The following TJP3 variants were observed in gnomAD, a reference collection of about 807,000 sequenced individuals.
TJP3 encodes the protein tight junction protein ZO-3.
A neutral mutation model predicts 104.2 loss-of-function variants in TJP3; 85 were observed. That is an observed-to-expected ratio of 0.82 (90% CI 0.68 to 0.98). TJP3 has a LOEUF of 0.98. TJP3 is among the 50% of genes least tolerant of loss of function. TJP3 has a pLI of 0.00. For synonymous variants in TJP3, 550 were observed against 550.6 expected (o/e 1.00, Z 0.02); for missense variants, 1,367 against 1,322.8 (o/e 1.03, Z -0.52).
At chr19:3,748,139 G>C (rs943946246) in intron 19 of TJP3, 58 bp downstream of exon 19, 8 of 1,471,202 alleles carry the variant, frequency 5.4e-6, no homozygotes, top group Non-Finnish European at 7.2e-6. Context: ...TGCCAGCACA[G>C]AGCAGACACA....
intron 1 of TJP3, among the ~76,000 whole-genome samples, chr19:3,722,850 G>T (rs1296873750): frequency 1.6e-5 from 2 of 123,838 alleles, no homozygotes; most frequent in Non-Finnish European, 3.4e-5. Context: ...CCTGGAGATG[G>T]GGTGGCGGGG....
chr19:3,722,720 G>A (rs999090862), intron 1 of TJP3, among the ~76,000 whole-genome samples: 1 of 152,086 alleles, frequency 6.6e-6, no homozygotes, highest in Non-Finnish European at 1.5e-5. Context: ...TCCGCCCCAA[G>A]CTTCAGGACC....
At chr19:3,749,682 G>C in intron 19 of TJP3, 1 of 168,396 alleles carries the variant, frequency 5.9e-6, no homozygotes, top group Admixed American at 6.1e-5. Flanking sequence ...TGTGTATGTA[G>C]CTCTTAGTGT....
intron 1 of TJP3, among the ~76,000 whole-genome samples, chr19:3,718,257 CTGTG>C (rs2036508218): frequency 3.6e-5 from 1 of 27,472 alleles, no homozygotes; most frequent in Non-Finnish European, 6.4e-5. Flanking sequence ...GTGTGTGTGT[CTGTG>C]TGTGTGTAGA....
intron 1 of TJP3, among the ~76,000 whole-genome samples, chr19:3,718,971 G>A (rs1244053421): frequency 6.6e-6 from 1 of 151,570 alleles, no homozygotes; most frequent in Non-Finnish European, 1.5e-5. Flanking sequence ...ATCACCTGAG[G>A]TCAGGAGTTC....
intron 11 of TJP3, among the ~76,000 whole-genome samples, chr19:3,738,323 G>A (rs1203095134): frequency 6.6e-6 from 1 of 152,268 alleles, no homozygotes; most frequent in East Asian, 1.9e-4. Flanking sequence ...GCCTGTGCCC[G>A]TTTCTGTGTC....
In TJP3 at chr19:3,746,121, G is replaced by A. The variant is rs766068924; in HGVS notation, c.2010+40G>A. 2 of 1,559,640 alleles carry A rather than the reference G, an allele frequency of 1.3e-6. No homozygotes were observed. On this transcript the variant is annotated intron_variant, in intron 16 of 20. Transcript: ENST00000541714. This position sits in a 1 kb window ranked among gnomAD's most constrained non-coding sequence, Gnocchi z 4.1. ...GCTACGGGTCCCATTTCATGGATGG[G>A]GGAAACCGAGGCCTGGGCATCCAAC...
chr19:3,716,796 TA>T (rs1185743641), intron 1 of TJP3, among the ~76,000 whole-genome samples: 107 of 66,128 alleles, frequency 1.6e-3, no homozygotes, highest in African/African-American at 5.0e-3. Context: ...TATATATATA[TA>T]TATATTTTTT....
Position 3,733,750 on chromosome 19 carries a change from C to G in TJP3, c.718-3C>G, listed in dbSNP as rs377048108. 40 of 1,614,080 alleles carry G rather than the reference C, an allele frequency of 2.5e-5. No individual in the cohort carries two copies. The highest frequency in any genetic ancestry group is 3.3e-5 in the Non-Finnish European group (39 of 1,179,956). On this transcript the variant is annotated splice_region_variant and splice_polypyrimidine_tract_variant and intron_variant, in intron 6 of 20. Transcript: ENST00000541714. ...CCGCTCTTTCATTCCTGGTCCCTTT[C>G]AGATCAACGGGGTGTCTAGCCAGAA...
chr19:3,709,482 G>A (rs539515335), intron 1 of TJP3, among the ~76,000 whole-genome samples: 1 of 152,322 alleles, frequency 6.6e-6, no homozygotes, highest in South Asian at 2.1e-4. Flanking sequence ...GAGCCAGAGA[G>A]GGGAGGGGTC....
At chr19:3,724,474 C>T (rs1383119378) in intron 1 of TJP3, among the ~76,000 whole-genome samples, 1 of 152,178 alleles carries the variant, frequency 6.6e-6, no homozygotes, top group Non-Finnish European at 1.5e-5. Context: ...GGATTACAGG[C>T]ATGAGCCACT....
At chr19:3,720,066 C>T (rs1490073237) in intron 1 of TJP3, among the ~76,000 whole-genome samples, 1 of 152,196 alleles carries the variant, frequency 6.6e-6, no homozygotes, top group Non-Finnish European at 1.5e-5. Context: ...TTTAATCCTC[C>T]TGACAACCCT....
At chr19:3,723,828 T>A (rs995636959) in intron 1 of TJP3, among the ~76,000 whole-genome samples, 446 of 134,486 alleles carry the variant, frequency 3.3e-3, no homozygotes, top group South Asian at 0.015. Flanking sequence ...TATATATATA[T>A]AAAATAATAA....
At chr19:3,750,464 C>T in intron 20 of TJP3, 118 bp from the exon 21 acceptor site, 1 of 886,874 alleles carries the variant, frequency 1.1e-6, no homozygotes, top group Non-Finnish European at 1.8e-6. Context: ...CCCATGAATG[C>T]CCAGATGTGC....
In TJP3 at chr19:3,734,441, T is replaced by C. The variant is rs918512594; in HGVS notation, c.986+6T>C. On this transcript the variant is annotated splice_donor_region_variant and intron_variant, in intron 8 of 20. Coordinates refer to ENST00000541714, the MANE Select transcript of TJP3 (RefSeq NM_001267560.2). ...AGCCAGACCGACTCTCCCGTGTAAG[T>C]ATCACCCATCGGCCAGAATGGTGAT... 6.9e-6 allele frequency: 11 copies of C among 1,599,886 alleles called. No individual in the cohort carries two copies. The highest frequency in any genetic ancestry group is 9.4e-6 in the Non-Finnish European group (11 of 1,174,454).
intron 15 of TJP3, among the ~76,000 whole-genome samples, chr19:3,745,480 G>A (rs1000912349): frequency 1.3e-5 from 2 of 152,150 alleles, no homozygotes; most frequent in Non-Finnish European, 1.5e-5. Flanking sequence ...AAAAAGGGGG[G>A]ATGAGATCAC....
At chr19:3,723,797 G>GAA (rs71339060) in intron 1 of TJP3, among the ~76,000 whole-genome samples, 12,374 of 125,410 alleles carry the variant, frequency 0.099, 737 homozygotes, top group Middle Eastern at 0.15. Context: ...TGTCTCAAAA[G>GAA]AAAAAAAAAA....
intron 13 of TJP3, among the ~76,000 whole-genome samples, chr19:3,740,214 G>GTT (rs1416770288): frequency 2.6e-5 from 4 of 151,568 alleles, no homozygotes; most frequent in African/African-American, 9.7e-5. Flanking sequence ...CCTGGCGACG[G>GTT]AGCGAGACTC....
chr19:3,737,832 C>A (rs2036756141), intron 11 of TJP3, among the ~76,000 whole-genome samples: 1 of 152,220 alleles, frequency 6.6e-6, no homozygotes, highest in South Asian at 2.1e-4. Context: ...CACGTCATGA[C>A]CCCGAGAGTA....
Sources: allele counts gnomAD v4.1 joint callset (sites outside exome capture counted in the v4.1 genomes callset), GRCh38; gene constraint gnomAD v4.1.1; non-coding constraint Gnocchi (gnomAD v3.1); transcripts MANE v1.5; gene names NCBI Gene and HGNC (gene_info 2026-07-23, HGNC 2026-07-21).